Variants in RAMP1 observed in about 807,000 individuals in gnomAD.
RAMP1 encodes the protein receptor activity-modifying protein 1.
A neutral mutation model predicts 8.2 loss-of-function variants in RAMP1; 7 were observed. The ratio of observed to expected loss-of-function variants is 0.85; its 90% CI spans 0.49 to 1.60. The LOEUF is 1.60. Ranked by LOEUF, RAMP1 falls within the 40% of genes most tolerant of loss-of-function variation. RAMP1 has a pLI of 0.00. For synonymous variants in RAMP1, 92 were observed against 84.7 expected (o/e 1.09, Z -0.47); for missense variants, 192 against 202.4 (o/e 0.95, Z 0.31).
chr2:237,877,112 C>T lies in RAMP1; in HGVS notation c.53-112C>T. On this transcript the variant is annotated intron_variant, in intron 1 of 2. Transcript: ENST00000254661. This position sits in a 1 kb window ranked among gnomAD's most constrained non-coding sequence, Gnocchi z 4.4. ...CCACAGTCGCCCTCTCCAGGGGTTG[C>T]TTAGAGGCCCCGTTCTCGTGGAGTC... is the stretch of plus-strand genomic sequence containing the variant. The T allele has an allele frequency of 7.1e-7, 1 of 1,408,262 alleles. No individual in the cohort carries two copies. The highest frequency in any genetic ancestry group is 9.9e-7 in the Non-Finnish European group (1 of 1,012,870). 87.2% of individuals were successfully genotyped at this position (1,408,262 alleles called of 1,614,324 possible).
intron 2 of RAMP1, among the ~76,000 whole-genome samples, chr2:237,892,730 T>C (rs890366174): frequency 8.3e-6 from 1 of 120,970 alleles, no homozygotes; most frequent in Admixed American, 9.0e-5. Context: ...GTTTTGGGCT[T>C]CCTCTTCTCT....
chr2:237,904,708 T>C (rs1446436236), intron 2 of RAMP1, among the ~76,000 whole-genome samples: 1 of 152,228 alleles, frequency 6.6e-6, no homozygotes, highest in Non-Finnish European at 1.5e-5. Context: ...ACCTTTTGCT[T>C]AAGTATAAAC....
intron 2 of RAMP1, among the ~76,000 whole-genome samples, chr2:237,892,386 G>C (rs1211678165): frequency 6.7e-6 from 1 of 149,590 alleles, no homozygotes; most frequent in Non-Finnish European, 1.5e-5. Flanking sequence ...AGCCTCCCAA[G>C]TAGCTGGAAC....
chr2:237,875,181 G>A (rs994063764), intron 1 of RAMP1, among the ~76,000 whole-genome samples: 1 of 152,098 alleles, frequency 6.6e-6, no homozygotes, highest in Non-Finnish European at 1.5e-5. Flanking sequence ...ATCTTGATGG[G>A]GCAGGTGTCA....
chr2:237,908,418 G>T (rs951524639), intron 2 of RAMP1, among the ~76,000 whole-genome samples: 1 of 150,294 alleles, frequency 6.7e-6, no homozygotes, highest in African/African-American at 2.4e-5. Flanking sequence ...CTCTGGTGGT[G>T]GTGGTGGTGG....
intron 1 of RAMP1, among the ~76,000 whole-genome samples, chr2:237,874,060 G>A (rs1221492395): frequency 6.6e-6 from 1 of 152,224 alleles, no homozygotes; most frequent in Non-Finnish European, 1.5e-5. Flanking sequence ...AGAGAGGTGG[G>A]GGATGCAGCA....
rs924360361 is a variant in RAMP1 at position 237,877,120 on chromosome 2, C to G, written c.53-104C>G. The G allele has an allele frequency of 6.2e-6, 9 of 1,458,722 alleles. No individual in the cohort carries two copies. Among genetic ancestry groups the G allele is most frequent in the Non-Finnish European group, 8.5e-6 (9 of 1,055,702 alleles). 90.4% of individuals were successfully genotyped at this position (1,458,722 alleles called of 1,614,324 possible). A position where few individuals can be genotyped will look rare whatever the true frequency, so the allele number is the denominator to read the frequency against. On this transcript the variant is annotated intron_variant, in intron 1 of 2. Coordinates refer to ENST00000254661, the MANE Select transcript of RAMP1 (RefSeq NM_005855.4). The surrounding 1 kb of genome is among the most constrained non-coding windows in gnomAD (Gnocchi z 4.4). ...GCCCTCTCCAGGGGTTGCTTAGAGG[C>G]CCCGTTCTCGTGGAGTCCGGGCTGC...
At chr2:237,902,177 C>CG (rs923171326) in intron 2 of RAMP1, among the ~76,000 whole-genome samples, 2 of 151,912 alleles carry the variant, frequency 1.3e-5, no homozygotes, top group African/African-American at 2.4e-5. Context: ...GGTAAGGGCC[C>CG]GGGGTCTTCA....
In RAMP1 at chr2:237,868,015, T is replaced by C. The variant is rs574939627; in HGVS notation, c.52+8288T>C. On this transcript the variant is annotated intron_variant, in intron 1 of 2. Coordinates refer to ENST00000254661, the MANE Select transcript of RAMP1 (RefSeq NM_005855.4). ...ATTGGCAACCTTTTCAGTATCTTTCTGGTGTTAATTGGTCCCCTTGGGTTT... is the reference window on the plus strand; with the variant it reads ...ATTGGCAACCTTTTCAGTATCTTTCCGGTGTTAATTGGTCCCCTTGGGTTT... Among the ~76,000 whole-genome samples, 164 of 150,830 alleles carry C rather than the reference T, an allele frequency of 1.1e-3. 1 individual carries two copies. The highest frequency in any genetic ancestry group is 2.0e-3 in the Non-Finnish European group (135 of 67,812).
At chr2:237,910,318 G>A (rs1183437321) in intron 2 of RAMP1, among the ~76,000 whole-genome samples, 1 of 147,348 alleles carries the variant, frequency 6.8e-6, no homozygotes, top group Admixed American at 6.8e-5. Context: ...CTCACACACA[G>A]GGACACACAT....
intron 2 of RAMP1, among the ~76,000 whole-genome samples, chr2:237,906,150 C>T (rs922245501): frequency 8.5e-5 from 13 of 152,152 alleles, no homozygotes; most frequent in African/African-American, 2.7e-4. Context: ...TCGTTTTTCC[C>T]CCACGATGAG....
intron 2 of RAMP1, among the ~76,000 whole-genome samples, chr2:237,906,413 GA>G (rs1454642178): frequency 6.6e-6 from 1 of 152,194 alleles, no homozygotes; most frequent in Non-Finnish European, 1.5e-5. Context: ...GGCGGGGGTA[GA>G]GGGGTGCTGG....
chr2:237,905,596 G>A (rs967206556), intron 2 of RAMP1, among the ~76,000 whole-genome samples: 3 of 152,194 alleles, frequency 2.0e-5, no homozygotes, highest in Non-Finnish European at 4.4e-5. Context: ...CCACAGCTCC[G>A]CTCCTCAGAG....
At chr2:237,911,461 C>T (rs537539640) in intron 2 of RAMP1, 67 bp from the exon 3 acceptor site, 962 of 1,580,820 alleles carry the variant, frequency 6.1e-4, no homozygotes, top group Admixed American at 7.7e-4. Flanking sequence ...TGCAGCAGCC[C>T]GGGCTGGGGT....
At position 237,887,436 on chromosome 2, in the gene RAMP1, C is replaced by T. The variant is rs149556767; in HGVS notation, c.191+10074C>T. Among the ~76,000 whole-genome samples, 27 of 152,336 alleles carry T rather than the reference C, an allele frequency of 1.8e-4. No homozygotes were observed. In the South Asian group the frequency reaches 2.3e-3, roughly 13 times the overall value. ...TAAGCACAGGGTGCCCTTTGGGATG[C>T]GTCTTGGGACAGGCCTTGGGTCTGA... On this transcript the variant is annotated intron_variant, in intron 2 of 2. Transcript: ENST00000254661.
At chr2:237,863,832 A>G (rs914662301) in intron 1 of RAMP1, among the ~76,000 whole-genome samples, 4 of 151,816 alleles carry the variant, frequency 2.6e-5, no homozygotes, top group Non-Finnish European at 5.9e-5. Flanking sequence ...GTGCAGTCAC[A>G]TGGTGGATTC....
intron 2 of RAMP1, among the ~76,000 whole-genome samples, chr2:237,899,484 G>A (rs570522836): frequency 1.2e-4 from 18 of 152,284 alleles, no homozygotes; most frequent in East Asian, 7.7e-4. Flanking sequence ...TTCTCAATGC[G>A]TATTAAAATG....
chr2:237,859,754 A>G (rs1018242587), intron 1 of RAMP1, 27 bp downstream of exon 1: 7 of 1,496,224 alleles, frequency 4.7e-6, no homozygotes, highest in African/African-American at 1.5e-5. Context: ...GTCCCGGCCG[A>G]GCTCCCTTCC....
At chr2:237,876,858 ACAGCC>A (rs112232362) in intron 1 of RAMP1, among the ~76,000 whole-genome samples, 1 of 152,102 alleles carries the variant, frequency 6.6e-6, no homozygotes, top group African/African-American at 2.4e-5. Flanking sequence ...GCTGGGGGGC[ACAGCC>A]CAGCCCAGCC....
Sources: gnomAD v4.1 joint callset for allele counts (sites outside exome capture counted in the v4.1 genomes callset) on GRCh38, gnomAD v4.1.1 for gene constraint, Gnocchi (gnomAD v3.1) non-coding constraint, MANE v1.5 for transcripts, NCBI Gene and HGNC (gene_info 2026-07-23, HGNC 2026-07-21) for gene names.